The following IMMP2L variants were observed in gnomAD, a reference collection of about 807,000 sequenced individuals.
IMMP2L encodes the protein mitochondrial inner membrane protease subunit 2.
In IMMP2L, 18 loss-of-function variants were observed where a neutral mutation model predicts 19.3. The observed-to-expected ratio is 0.93, with a 90% CI of 0.64 to 1.38. IMMP2L has a LOEUF of 1.38. Ranked by LOEUF, IMMP2L falls within the 40% of genes most tolerant of loss-of-function variation. The pLI is 0.00. For missense variants in IMMP2L, 233 were observed against 218.2 expected, an observed-to-expected ratio of 1.07 and a Z score of -0.43; for synonymous variants, 76 against 73.0, an observed-to-expected ratio of 1.04 and a Z score of -0.21.
intron 3 of IMMP2L, among the ~76,000 whole-genome samples, chr7:111,309,252 C>A (rs553923155): frequency 6.6e-6 from 1 of 151,970 alleles, no homozygotes; most frequent in South Asian, 2.1e-4. Flanking sequence ...AAACAGTACA[C>A]GTGGAAACAC....
At chr7:111,306,528 T>G (rs891266067) in intron 3 of IMMP2L, among the ~76,000 whole-genome samples, 1 of 152,094 alleles carries the variant, frequency 6.6e-6, no homozygotes, top group South Asian at 2.1e-4. Context: ...TTATTTGGTA[T>G]CTATGTCAAC....
chr7:110,915,256 C>T (rs112447784), intron 4 of IMMP2L, among the ~76,000 whole-genome samples: 103 of 152,184 alleles, frequency 6.8e-4, no homozygotes, highest in African/African-American at 2.3e-3. Context: ...CGTGCGTGCA[C>T]GCACACACAC....
chr7:111,368,405 G>A (rs1829983412), intron 3 of IMMP2L, among the ~76,000 whole-genome samples: 1 of 151,926 alleles, frequency 6.6e-6, no homozygotes, highest in Non-Finnish European at 1.5e-5. Context: ...TATAACCCAA[G>A]TTCAGTCAGT....
intron 5 of IMMP2L, among the ~76,000 whole-genome samples, chr7:110,701,391 TA>T (rs1447270774): frequency 6.6e-6 from 1 of 152,174 alleles, no homozygotes; most frequent in African/African-American, 2.4e-5. Context: ...ATTATCTCAT[TA>T]AATCTTGGGA....
chr7:110,742,925 G>A (rs912117334), intron 5 of IMMP2L, among the ~76,000 whole-genome samples: 5 of 151,940 alleles, frequency 3.3e-5, no homozygotes, highest in African/African-American at 1.2e-4. Context: ...ACATTCCTAC[G>A]TACATTACGC....
chr7:111,548,492 TG>T (rs1849148090), intron 1 of IMMP2L, among the ~76,000 whole-genome samples: 1 of 152,160 alleles, frequency 6.6e-6, no homozygotes, highest in South Asian at 2.1e-4. Context: ...TGATACACTT[TG>T]AAGTTAACAG....
intron 3 of IMMP2L, among the ~76,000 whole-genome samples, chr7:111,330,555 A>G (rs1027691674): frequency 3.3e-5 from 5 of 151,764 alleles, no homozygotes; most frequent in African/African-American, 1.2e-4. Flanking sequence ...TATTTTAGTA[A>G]AAGTAGTAGA....
chr7:110,741,156 TAAG>T (rs2130867271), intron 5 of IMMP2L, among the ~76,000 whole-genome samples: 1 of 152,262 alleles, frequency 6.6e-6, no homozygotes, highest in African/African-American at 2.4e-5. Context: ...TCAGCCTTAA[TAAG>T]GATTGAAATA....
At chr7:110,997,114 T>C (rs1393241933) in intron 3 of IMMP2L, among the ~76,000 whole-genome samples, 1 of 152,020 alleles carries the variant, frequency 6.6e-6, no homozygotes, top group East Asian at 1.9e-4. Context: ...CTGTTCTCTA[T>C]CTCTATAATG....
intron 3 of IMMP2L, among the ~76,000 whole-genome samples, chr7:111,093,280 T>C (rs748327788): frequency 3.3e-5 from 5 of 152,144 alleles, no homozygotes; most frequent in Admixed American, 6.5e-5. Flanking sequence ...CCACATGCAA[T>C]CTATAAAAAA....
intron 5 of IMMP2L, among the ~76,000 whole-genome samples, chr7:110,681,426 T>A (rs1016137484): frequency 6.6e-6 from 1 of 152,050 alleles, no homozygotes; most frequent in Admixed American, 6.6e-5. Flanking sequence ...CACATGAAGG[T>A]TTGTACACAG....
intron 3 of IMMP2L, among the ~76,000 whole-genome samples, chr7:111,446,822 G>C (rs1371471942): frequency 6.6e-6 from 1 of 151,568 alleles, no homozygotes; most frequent in Non-Finnish European, 1.5e-5. Context: ...AAATTTAGAA[G>C]AATGTATAAC....
intron 3 of IMMP2L, among the ~76,000 whole-genome samples, chr7:111,293,602 T>C (rs1482421513): frequency 1.3e-5 from 2 of 151,950 alleles, no homozygotes; most frequent in Non-Finnish European, 2.9e-5. Flanking sequence ...ATCTGTAGTT[T>C]TAAAATATTT....
chr7:111,040,715 A>AT (rs34024061), intron 3 of IMMP2L, among the ~76,000 whole-genome samples: 26,480 of 148,416 alleles, frequency 0.18, 2,730 homozygotes, highest in African/African-American at 0.28. Context: ...TAAATCTAAT[A>AT]TTTAATATTA....
chr7:110,871,968 T>C (rs542770605), intron 5 of IMMP2L, among the ~76,000 whole-genome samples: 53 of 152,186 alleles, frequency 3.5e-4, no homozygotes, highest in African/African-American at 1.3e-3. Context: ...CCAAGCAAAG[T>C]CTACAAATAC....
At chr7:110,742,763 C>T (rs538651021) in intron 5 of IMMP2L, among the ~76,000 whole-genome samples, 5 of 67,390 alleles carry the variant, frequency 7.4e-5, no homozygotes, top group South Asian at 7.1e-4. Flanking sequence ...AGCTAAACTC[C>T]GTCTCAAAAA....
At chr7:111,387,616 A>T (rs767477518) in intron 3 of IMMP2L, among the ~76,000 whole-genome samples, 3 of 152,204 alleles carry the variant, frequency 2.0e-5, no homozygotes, top group Non-Finnish European at 4.4e-5. Context: ...ATTGCCTTGC[A>T]TAACAGAATC....
At chr7:111,367,351 G>A (rs978952106) in intron 3 of IMMP2L, among the ~76,000 whole-genome samples, 13 of 151,884 alleles carry the variant, frequency 8.6e-5, no homozygotes, top group South Asian at 2.1e-4. Context: ...AGGTATTTCC[G>A]GAGTAACAAT....
At chr7:110,812,084 A>G (rs1802080784) in intron 5 of IMMP2L, among the ~76,000 whole-genome samples, 1 of 152,062 alleles carries the variant, frequency 6.6e-6, no homozygotes, top group Non-Finnish European at 1.5e-5. Context: ...ACCTATAGAT[A>G]CATATATCCA....
Sources: gnomAD v4.1 joint callset for allele counts (sites outside exome capture counted in the v4.1 genomes callset) on GRCh38, gnomAD v4.1.1 for gene constraint, MANE v1.5 for transcripts, NCBI Gene and HGNC (gene_info 2026-07-23, HGNC 2026-07-21) for gene names.